NRG1: variants seen among roughly 807,000 people sequenced by gnomAD.
NRG1 encodes neuregulin 1, also known as pro-neuregulin-1, membrane-bound isoform.
Under a neutral mutation model 63.8 loss-of-function variants are expected in NRG1, and 18 were observed. The observed-to-expected ratio is 0.28, with a 90% CI of 0.19 to 0.42. The LOEUF (loss-of-function observed/expected upper bound fraction) is 0.42, where lower values mean the gene tolerates loss of function less well. Among genes scored for constraint, NRG1 ranks in the 10% least tolerant of loss-of-function variants. The pLI, the probability that NRG1 is intolerant of heterozygous loss-of-function variation, is 1.00. For missense variants in NRG1, 762 were observed against 814.7 expected (o/e 0.94, Z 0.79); for synonymous variants, 302 against 301.3 (o/e 1.00, Z -0.02).
intron 6 of NRG1, among the ~76,000 whole-genome samples, chr8:32,736,298 A>G (rs1285488909): frequency 6.6e-6 from 1 of 152,236 alleles, no homozygotes; most frequent in Non-Finnish European, 1.5e-5. Flanking sequence ...CCTTTGGGAA[A>G]GAATAATCTA....
chr8:32,690,716 AG>A (rs901990538), intron 5 of NRG1, among the ~76,000 whole-genome samples: 6 of 151,370 alleles, frequency 4.0e-5, no homozygotes, highest in African/African-American at 1.5e-4. Flanking sequence ...ATACACACAT[AG>A]TTTTTTTTTT....
intron 1 of NRG1, among the ~76,000 whole-genome samples, chr8:31,791,080 G>A (rs1218818949): frequency 6.6e-6 from 1 of 151,872 alleles, no homozygotes; most frequent in African/African-American, 2.4e-5. Context: ...ATGGTGGCAT[G>A]TGCCTGTAGT....
intron 1 of NRG1, among the ~76,000 whole-genome samples, chr8:31,798,899 G>T (rs2131706165): frequency 6.6e-6 from 1 of 152,086 alleles, no homozygotes; most frequent in Non-Finnish European, 1.5e-5. Flanking sequence ...ATATAGAACA[G>T]GTTATTAATG....
chr8:32,449,195 G>A (rs1011410165), intron 1 of NRG1, among the ~76,000 whole-genome samples: 2 of 152,066 alleles, frequency 1.3e-5, no homozygotes, highest in African/African-American at 2.4e-5. Flanking sequence ...TACTCAGGAG[G>A]CTGAGATGGG....
At chr8:31,678,381 C>A (rs1249126142) in intron 1 of NRG1, among the ~76,000 whole-genome samples, 1 of 152,230 alleles carries the variant, frequency 6.6e-6, no homozygotes, top group East Asian at 1.9e-4. Context: ...AATTTCCCCC[C>A]CAACATAAAC....
chr8:32,583,136 T>C (rs1329274538), intron 1 of NRG1, among the ~76,000 whole-genome samples: 1 of 152,190 alleles, frequency 6.6e-6, no homozygotes, highest in African/African-American at 2.4e-5. Flanking sequence ...TCTAGATTTA[T>C]ATAACCTAAC....
At chr8:32,673,742 C>G (rs2128899954) in intron 5 of NRG1, among the ~76,000 whole-genome samples, 1 of 152,236 alleles carries the variant, frequency 6.6e-6, no homozygotes, top group South Asian at 2.1e-4. Context: ...CTTTGCATTG[C>G]CCCACATTTC....
chr8:32,629,782 A>G (rs577370692), intron 5 of NRG1, among the ~76,000 whole-genome samples: 1 of 152,226 alleles, frequency 6.6e-6, no homozygotes, highest in East Asian at 1.9e-4. Context: ...GATTATTACA[A>G]ATTATTTCAG....
At chr8:32,741,825 A>T (rs981152161) in intron 6 of NRG1, among the ~76,000 whole-genome samples, 183 bp from the exon 7 acceptor site, 2 of 152,118 alleles carry the variant, frequency 1.3e-5, no homozygotes, top group African/African-American at 4.8e-5. Context: ...CAACAACAAA[A>T]ATCTGTAACC....
intron 1 of NRG1, among the ~76,000 whole-genome samples, chr8:32,281,903 A>G (rs1852904510): frequency 6.6e-6 from 1 of 152,218 alleles, no homozygotes; most frequent in East Asian, 1.9e-4. Context: ...GTACATATAA[A>G]CACAACAACG....
intron 1 of NRG1, among the ~76,000 whole-genome samples, chr8:31,803,098 A>G (rs1217445716): frequency 6.6e-6 from 1 of 152,198 alleles, no homozygotes; most frequent in African/African-American, 2.4e-5. Flanking sequence ...GATAGACAGT[A>G]TGCTGACTTT....
At chr8:32,327,768 A>G (rs1040732560) in intron 1 of NRG1, among the ~76,000 whole-genome samples, 1 of 152,204 alleles carries the variant, frequency 6.6e-6, no homozygotes, top group Non-Finnish European at 1.5e-5. Flanking sequence ...AAACATAGGA[A>G]TGGGGCAGGA....
intron 1 of NRG1, among the ~76,000 whole-genome samples, chr8:32,584,407 G>T (rs1588486518): frequency 6.6e-6 from 1 of 152,268 alleles, no homozygotes; most frequent in South Asian, 2.1e-4. Flanking sequence ...GTGCAAGGAG[G>T]TTTTAAAGGT....
intron 1 of NRG1, among the ~76,000 whole-genome samples, chr8:31,757,181 T>TC (rs1456100420): frequency 1.3e-5 from 2 of 152,176 alleles, no homozygotes; most frequent in Non-Finnish European, 2.9e-5. Context: ...TCCTTTTTTT[T>TC]CACACATTTT....
At chr8:32,249,015 C>T (rs950280153) in intron 1 of NRG1, among the ~76,000 whole-genome samples, 1 of 152,040 alleles carries the variant, frequency 6.6e-6, no homozygotes, top group African/African-American at 2.4e-5. Flanking sequence ...GCTCAATTTC[C>T]TCAACTTCTG....
chr8:32,759,266 T>G, intron 9 of NRG1, 40 bp from the exon 10 acceptor site: 1 of 1,603,284 alleles, frequency 6.2e-7, no homozygotes, highest in Non-Finnish European at 8.5e-7. Context: ...TTGACATGAA[T>G]CTACGTGAAT....
In NRG1 at chr8:31,959,836, T is replaced by TATTTATTC. The variant is rs375673114; in HGVS notation, c.37+320408_37+320409insTATTCATT. 3.0e-3 allele frequency among the ~76,000 whole-genome samples: 364 copies of TATTTATTC among 122,444 alleles called. 2 individuals are homozygous for TATTTATTC. The highest frequency in any genetic ancestry group is 0.012 in the Middle Eastern group (3 of 250). 80.3% of individuals were successfully genotyped at this position (122,444 alleles called of 152,430 possible). ...TTATTTATTTATTTATTTATTTATT[T>TATTTATTC]ATTATAGAGATGGAGTCTCACTATG... On this transcript the variant is annotated intron_variant, in intron 1 of 10. Coordinates refer to the NRG1 transcript ENST00000519301.
At chr8:32,134,727 A>G (rs1331702631) in intron 1 of NRG1, among the ~76,000 whole-genome samples, 1 of 152,132 alleles carries the variant, frequency 6.6e-6, no homozygotes, top group African/African-American at 2.4e-5. Context: ...TCATTAAACT[A>G]GAATGAGGCC....
chr8:32,603,662 C>T (rs902902742), intron 2 of NRG1, among the ~76,000 whole-genome samples: 9 of 152,108 alleles, frequency 5.9e-5, no homozygotes, highest in African/African-American at 1.7e-4. Context: ...TTTTTAGTAG[C>T]GACAGGGTTT....
Sources: gnomAD v4.1 joint callset for allele counts (sites outside exome capture counted in the v4.1 genomes callset) on GRCh38, gnomAD v4.1.1 for gene constraint, MANE v1.5 for transcripts, NCBI Gene and HGNC (gene_info 2026-07-23, HGNC 2026-07-21) for gene names.